Variants in MOSPD3 observed in about 807,000 individuals in gnomAD.
MOSPD3 encodes motile sperm domain containing 3, also known as motile sperm domain-containing protein 3.
A neutral mutation model predicts 23.3 loss-of-function variants in MOSPD3; 20 were observed. That is an observed-to-expected ratio of 0.86 (90% CI 0.61 to 1.25). MOSPD3 has a LOEUF of 1.25. MOSPD3 is among the 50% of genes most tolerant of loss of function. The pLI is 0.00. For missense variants in MOSPD3, 307 were observed against 315.7 expected (o/e 0.97, Z 0.21); for synonymous variants, 136 against 135.2 (o/e 1.01, Z -0.04).
chr7:100,614,774 A>G, intron 3 of MOSPD3, 93 bp from the exon 4 acceptor site: 3 of 1,330,620 alleles, frequency 2.3e-6, no homozygotes, highest in Non-Finnish European at 3.0e-6. Context: ...AAAAAAAAAA[A>G]GTAGATACAT....
rs1349885714 is a variant in MOSPD3 at position 100,613,475 on chromosome 7, A to G, written c.282-2A>G. 3 of 1,613,998 alleles carry G rather than the reference A, an allele frequency of 1.9e-6. No homozygotes were observed. The highest frequency in any genetic ancestry group is 2.2e-5 in the South Asian group (2 of 91,088). Reference sequence around the variant, plus strand: ...TGGGCTTCTCTCCTACCTTGGGACCAGTGTGATTCGCCATGTGGCACCCAT... The same window carrying G: ...TGGGCTTCTCTCCTACCTTGGGACCGGTGTGATTCGCCATGTGGCACCCAT... On this transcript the variant is annotated splice_acceptor_variant, in intron 2 of 4. Coordinates refer to ENST00000393950, the MANE Select transcript of MOSPD3 (RefSeq NM_023948.5). LOFTEE classifies it high-confidence loss of function.
chr7:100,612,838 C>A lies in MOSPD3; in HGVS notation c.47C>A (p.Pro16His). The change falls in exon 1 of 5, where the codon CCC becomes CAC. Residue 16 changes from proline to histidine, a missense_variant. Pro to His is a moderately conservative substitution (Grantham distance 77). Transcript: ENST00000393950. ...PQDQELVGPG[P>H]PGRGSRGAPP... ...GACCAGGAGCTGGTGGGTCCGGGGC[C>A]CCCTGGGCGGGGGTCCCGGGGCGCC... The A allele has an allele frequency of 1.2e-6, 2 of 1,610,626 alleles. No homozygotes were observed. Among genetic ancestry groups the A allele is most frequent in the Non-Finnish European group, 1.7e-6 (2 of 1,179,134 alleles).
intron 2 of MOSPD3, 89 bp downstream of exon 2, chr7:100,613,358 C>T (rs1802891118): frequency 6.5e-7 from 1 of 1,540,714 alleles, no homozygotes; most frequent in Non-Finnish European, 9.0e-7. Context: ...CCCCCTTTAA[C>T]CTATTTGCCC....
rs1271956338 is a variant in MOSPD3 at position 100,612,853 on chromosome 7, C to T, written c.62C>T (p.Ser21Phe). 4 of 1,611,978 alleles carry T rather than the reference C, an allele frequency of 2.5e-6. No individual in the cohort carries two copies. The highest frequency in any genetic ancestry group is 2.2e-5 in the East Asian group (1 of 44,852). The stretch of plus-strand genomic sequence containing the variant: ...GGTCCGGGGCCCCCTGGGCGGGGGT[C>T]CCGGGGCGCCCCTCCTCCCTTGGGA... ...LVGPGPPGRG[S>F]RGAPPPLGPV... Residue 21 changes from serine (S) to phenylalanine (F), a missense_variant, in exon 1 of 5, where the codon TCC becomes TTC. Ser to Phe is a radical substitution (Grantham distance 155, BLOSUM62 -2). Transcript: ENST00000393950.
At chr7:100,613,310 G>A (rs778970694) in intron 2 of MOSPD3, 41 bp downstream of exon 2, 2 of 1,586,440 alleles carry the variant, frequency 1.3e-6, no homozygotes, top group African/African-American at 2.7e-5. Flanking sequence ...TGGAAGCCAG[G>A]GGTCGCTGCC....
chr7:100,613,617 C>T lies in MOSPD3; in HGVS notation c.422C>T (p.Pro141Leu). 16 of 1,614,162 alleles carry T rather than the reference C, an allele frequency of 9.9e-6. No homozygotes were observed. Among genetic ancestry groups the T allele is most frequent in the Non-Finnish European group, 1.4e-5 (16 of 1,180,040 alleles). ...TCCATTCTGAGAGCCCCAGCGTACC[C>T]CCTTGAGCTTCAGGGACAGCCAGAT... ...ITSILRAPAYPLELQGQPDPA... is the reference protein window; with the variant it reads ...ITSILRAPAYLLELQGQPDPA... The change falls in exon 3 of 5, where the codon CCC (proline) becomes CTC (leucine). Residue 141 changes from proline to leucine, a missense_variant. Coordinates refer to ENST00000393950, the MANE Select transcript of MOSPD3 (RefSeq NM_023948.5).
At chr7:100,613,384 C>CCCCT in intron 2 of MOSPD3, 93 bp from the exon 3 acceptor site, 2 of 1,540,846 alleles carry the variant, frequency 1.3e-6, no homozygotes, top group Non-Finnish European at 1.8e-6. Context: ...TCTGCCTGTG[C>CCCCT]CCCTAAGGGA....
Position 100,613,020 on chromosome 7 carries a change from G to A in MOSPD3, c.205+24G>A, listed in dbSNP as rs552226427. The A allele has an allele frequency of 3.0e-4, 476 of 1,613,398 alleles. 5 individuals carry two copies. In the South Asian group the frequency reaches 5.0e-3, roughly 17 times the overall value. On this transcript the variant is annotated intron_variant, in intron 1 of 4. Coordinates refer to ENST00000393950, the MANE Select transcript of MOSPD3 (RefSeq NM_023948.5). Reference sequence around the variant, plus strand: ...AGGTAAAGGGATCGGCGCCTCGTGGGGGCTGGTGGCCGGACACTGGGGGGT... The same window carrying A: ...AGGTAAAGGGATCGGCGCCTCGTGGAGGCTGGTGGCCGGACACTGGGGGGT...
Position 100,614,917 on chromosome 7 carries a change from G to A in MOSPD3, c.562G>A (p.Gly188Arg), listed in dbSNP as rs770609009. 5 of 1,614,154 alleles carry A rather than the reference G, an allele frequency of 3.1e-6. No individual in the cohort carries two copies. The Admixed American group carries it at 8.3e-5, about 27-fold the overall frequency. ...TSSFLLFLLTGIVSVAFLLLP... is the reference protein window; with the variant it reads ...TSSFLLFLLTRIVSVAFLLLP... ...CTCCTTCCTCCTCTTCTTGCTGACG[G>A]GGATTGTGTCTGTGGCCTTCCTGCT... Residue 188 changes from glycine (G) to arginine (R), a missense_variant, in exon 4 of 5, where the codon GGG (glycine) becomes AGG (arginine). Coordinates refer to ENST00000393950, the MANE Select transcript of MOSPD3 (RefSeq NM_023948.5).
rs1412516876 is a variant in MOSPD3 at position 100,612,748 on chromosome 7, TC to T, written c.-40del. 4.1e-6 allele frequency: 6 copies of T among 1,473,742 alleles called. No individual in the cohort carries two copies. The highest frequency in any genetic ancestry group is 5.5e-6 in the Non-Finnish European group (6 of 1,095,368). 91.3% of individuals were successfully genotyped at this position (1,473,742 alleles called of 1,614,324 possible). A position where few individuals can be genotyped will look rare whatever the true frequency, so the allele number is the denominator to read the frequency against. On this transcript the variant is annotated 5_prime_UTR_variant, in exon 1 of 5. Transcript: ENST00000393950. ...CCCCCAGCTCTGACTCCAGGCCCTG[TC>T]CCCTGAGCTCTGCCCTCGGATGTCC...
rs779746198 is a variant in MOSPD3, at chr7:100,613,467, T to A, written c.282-10T>A. 1 of 1,614,026 alleles carries A rather than the reference T, an allele frequency of 6.2e-7. No homozygotes were observed. The highest frequency in any genetic ancestry group is 8.5e-7 in the Non-Finnish European group (1 of 1,179,870). On this transcript the variant is annotated splice_polypyrimidine_tract_variant and intron_variant, in intron 2 of 4. Coordinates refer to ENST00000393950, the MANE Select transcript of MOSPD3 (RefSeq NM_023948.5). ...CACCCCAATGGGCTTCTCTCCTACC[T>A]TGGGACCAGTGTGATTCGCCATGTG...
intron 3 of MOSPD3, among the ~76,000 whole-genome samples, chr7:100,614,114 G>A (rs1802919841): frequency 6.6e-6 from 1 of 152,182 alleles, no homozygotes; most frequent in Admixed American, 6.5e-5. Flanking sequence ...TCTTGTGGTG[G>A]TGGGGACAGA....
Position 100,612,987 on chromosome 7 carries a change from C to T in MOSPD3, c.196C>T (p.Arg66Cys), listed in dbSNP as rs754002396. The part of the protein sequence containing the change: ...TLYNPTGTAL[R>C]FRVLCTAPAK... ...CTATAACCCCACAGGAACTGCGCTT[C>T]GCTTCCGAGGTAAAGGGATCGGCGC... Residue 66 changes from arginine (R) to cysteine (C), a missense_variant, in exon 1 of 5, where the codon CGC becomes TGC. Arg to Cys is a radical substitution (Grantham distance 180). Coordinates refer to ENST00000393950, the MANE Select transcript of MOSPD3 (RefSeq NM_023948.5). 3.7e-6 allele frequency: 6 copies of T among 1,613,992 alleles called. No individual in the cohort carries two copies. In the Admixed American group the frequency reaches 6.7e-5, roughly 18 times the overall value.
rs1445814362 is a variant in MOSPD3, at chr7:100,615,263, C to G, written c.*80C>G. ...AGCCACTGTGATGCTCATACCTTACCTTGCCTCCTACCCTCTTCTCTTTCC... is the reference window on the plus strand; with the variant it reads ...AGCCACTGTGATGCTCATACCTTACGTTGCCTCCTACCCTCTTCTCTTTCC... On this transcript the variant is annotated 3_prime_UTR_variant, in exon 5 of 5. Coordinates refer to ENST00000393950, the MANE Select transcript of MOSPD3 (RefSeq NM_023948.5). The G allele has an allele frequency of 4.4e-6, 6 of 1,365,208 alleles. No individual in the cohort carries two copies. Among genetic ancestry groups the G allele is most frequent in the African/African-American group, 1.4e-5 (1 of 70,390 alleles). The allele number at this position is 1,365,208 out of a possible 1,614,324, so 84.6% of individuals were successfully genotyped here.
intron 3 of MOSPD3, 103 bp from the exon 4 acceptor site, chr7:100,614,763 TA>T (rs202084428): frequency 0.012 from 12,337 of 1,023,864 alleles, no homozygotes; most frequent in Non-Finnish European, 0.013. Context: ...AAAAGATAAT[TA>T]AAAAAAAAAA....
rs1802891948 is a variant in MOSPD3, at chr7:100,613,391, G to A, written c.282-86G>A. ...CCCTATCCTCTGCCTGTGCCCCTAA[G>A]GGAGAGACTTCTGGGGGGAGGCCCA... On this transcript the variant is annotated intron_variant, in intron 2 of 4. Transcript: ENST00000393950. 24 of 1,555,136 alleles carry A rather than the reference G, an allele frequency of 1.5e-5. No individual in the cohort carries two copies. The South Asian group carries it at 2.5e-4, about 16-fold the overall frequency.
At chr7:100,612,500 G>A (rs539771001), upstream of MOSPD3, 120 of 314,652 alleles carry the variant, frequency 3.8e-4, no homozygotes, top group African/African-American at 2.5e-3. Flanking sequence ...GGAGAAGGCC[G>A]GGTTGGGAGC....
chr7:100,612,634 A>G lies in MOSPD3; in HGVS notation c.-158A>G. ...GGGGCCCTGGGCCTGGGTCTGCGGG[A>G]GCCCCATCTAGCGGGGTTCCAAGGC... On this transcript the variant is annotated 5_prime_UTR_variant, in exon 1 of 5. Transcript: ENST00000393950. The G allele has an allele frequency of 1.8e-6, 1 of 551,730 alleles. No homozygotes were observed. The allele number at this position is 551,730 out of a possible 1,614,324, so 34.2% of individuals were successfully genotyped here.
At position 100,614,983 on chromosome 7, in the gene MOSPD3, G is replaced by T; in HGVS notation, c.628G>T (p.Val210Phe). 1 of 1,614,142 alleles carries T rather than the reference G, an allele frequency of 6.2e-7. No homozygotes were observed. Among genetic ancestry groups the T allele is most frequent in the South Asian group, 1.1e-5 (1 of 91,088 alleles). ...PDELGSQLPQ[V>F]LHVSLGQKLV... ...CGAACTCGGCAGCCAGCTGCCTCAA[G>T]TCCTGCACGTCTCCCTGGGACAAAA... Residue 210 changes from valine (V) to phenylalanine (F), a missense_variant, in exon 4 of 5, where the codon GTC becomes TTC. Coordinates refer to ENST00000393950, the MANE Select transcript of MOSPD3 (RefSeq NM_023948.5).
Sources: gnomAD v4.1 joint callset for allele counts (sites outside exome capture counted in the v4.1 genomes callset) on GRCh38, gnomAD v4.1.1 for gene constraint, MANE v1.5 for transcripts, NCBI Gene and HGNC (gene_info 2026-07-23, HGNC 2026-07-21) for gene names.